Variants in KRI1 observed in about 807,000 individuals in gnomAD.
KRI1 encodes protein KRI1 homolog.
KRI1 carries 83 observed loss-of-function variants against 97.0 expected under a neutral mutation model. The ratio of observed to expected loss-of-function variants is 0.86; its 90% CI spans 0.72 to 1.03. The LOEUF is 1.03. Ranked by LOEUF, KRI1 falls within the 50% of genes least tolerant of loss-of-function variation. The pLI, the probability that KRI1 is intolerant of heterozygous loss-of-function variation, is 0.00. For missense variants in KRI1, 916 were observed against 928.4 expected (o/e 0.99, Z 0.17); for synonymous variants, 371 against 363.5 (o/e 1.02, Z -0.23).
Position 10,555,192 on chromosome 19 carries a change from A to G in KRI1, c.1683-7T>C. The G allele has an allele frequency of 6.6e-7, 1 of 1,515,692 alleles. No individual in the cohort carries two copies. The highest frequency in any genetic ancestry group is 8.9e-7 in the Non-Finnish European group (1 of 1,128,154). 93.9% of individuals were successfully genotyped at this position (1,515,692 alleles called of 1,614,324 possible). A position where few individuals can be genotyped will look rare whatever the true frequency, so the allele number is the denominator to read the frequency against. On this transcript the variant is annotated splice_polypyrimidine_tract_variant and splice_region_variant and intron_variant, in intron 17 of 18. Transcript: ENST00000312962. ...CAGCTCCTCCTGCTCTGACCTGCAG[A>G]CAGATGCCCCTGTGTTGGGTGCTCT...
chr19:10,565,657 C>T, intron 2 of KRI1, 60 bp downstream of exon 2: 1 of 1,499,110 alleles, frequency 6.7e-7, no homozygotes, highest in Non-Finnish European at 8.9e-7. Flanking sequence ...ACATCGGGGT[C>T]GGGGTGCAGA....
In KRI1 at chr19:10,554,032, A is replaced by G; in HGVS notation, c.2031T>C (p.Phe677=). 6.2e-7 allele frequency: 1 copy of G among 1,614,148 alleles called. No homozygotes were observed. Among genetic ancestry groups the G allele is most frequent in the Non-Finnish European group, 8.5e-7 (1 of 1,180,016 alleles). Residue 677 remains phenylalanine, a synonymous_variant, in exon 19 of 19, where the codon TTT becomes TTC. Transcript: ENST00000312962. ...AGTGCAGCCGTTTGGGGTTGAGGCC[A>G]AAGGCCTGCAGTCTCTGGCGGCTGA... ...CEFSRQRLQA[F]GLNPKRLHFR... is the part of the protein sequence containing the mutation.
chr19:10,555,236 C>CCCGCCCTACCCGCAGCGCACCTGGCT, intron 17 of KRI1, 49 bp downstream of exon 17: 1 of 1,604,928 alleles, frequency 6.2e-7, no homozygotes. Flanking sequence ...CCCGAGGCTG[C>CCCGCCCTACCCGCAGCGCACCTGGCT]CCGCCCTGCC....
At position 10,559,480 on chromosome 19, in the gene KRI1, C is replaced by G. The variant is rs1388307292; in HGVS notation, c.1073G>C (p.Arg358Thr). 1 of 1,613,962 alleles carries G rather than the reference C, an allele frequency of 6.2e-7. No individual in the cohort carries two copies. Among genetic ancestry groups the G allele is most frequent in the Non-Finnish European group, 8.5e-7 (1 of 1,180,036 alleles). The change falls in exon 12 of 19, where the codon AGG becomes ACG. Residue 358 changes from arginine to threonine, a missense_variant. Physicochemically the swap from Arg to Thr is moderately conservative, Grantham distance 71 (BLOSUM62 -1). Coordinates refer to ENST00000312962, the MANE Select transcript of KRI1 (RefSeq NM_023008.5). ...CTCCAGCTTGGCCAGAATCTCCTTC[C>G]TCTTCAGGTTCTTCAGCTGCTTGAG... ...EELKQLKNLK[R>T]KEILAKLEKL... is the part of the protein sequence containing the mutation.
intron 3 of KRI1, among the ~76,000 whole-genome samples, chr19:10,564,078 G>A (rs921074446): frequency 3.3e-5 from 5 of 151,464 alleles, no homozygotes; most frequent in East Asian, 1.9e-4. Context: ...CCGGGGAGGC[G>A]GAGGTTGCAG....
rs1916860718 is a variant in KRI1, at chr19:10,565,927, C to G, written c.73G>C (p.Glu25Gln). The G allele has an allele frequency of 6.5e-7, 1 of 1,534,512 alleles. No homozygotes were observed. Among genetic ancestry groups the G allele is most frequent in the Non-Finnish European group, 8.8e-7 (1 of 1,141,052 alleles). Residue 25 changes from glutamate to glutamine, a missense_variant, in exon 1 of 19, where the codon GAG (glutamate) becomes CAG (glutamine). Glu to Gln is a conservative substitution (Grantham distance 29). Coordinates refer to ENST00000312962, the MANE Select transcript of KRI1 (RefSeq NM_023008.5). ...TCACGCCGCTGCAGTTCCTCGCGCT[C>G]CCGGTAGCGGTTGTACCGCGCGGCA... ...AFAARYNRYR[E>Q]REELQRLKDR...
chr19:10,560,239 T>C, intron 9 of KRI1, 73 bp downstream of exon 9: 3 of 1,497,954 alleles, frequency 2.0e-6, no homozygotes, highest in Non-Finnish European at 2.7e-6. Context: ...CTCTGCCTCC[T>C]GGCCAGTGCC....
intron 1 of KRI1, 36 bp downstream of exon 1, chr19:10,565,870 C>T (rs779349159): frequency 1.5e-5 from 23 of 1,533,848 alleles, no homozygotes; most frequent in African/African-American, 4.2e-5. Flanking sequence ...CCGGCCGGCG[C>T]GCGCAGGCTC....
rs371694672 is a variant in KRI1, at chr19:10,558,224, C to A, written c.1210G>T (p.Glu404Ter). 4.3e-6 allele frequency: 7 copies of A among 1,614,106 alleles called. No homozygotes were observed. The highest frequency in any genetic ancestry group is 5.9e-6 in the Non-Finnish European group (7 of 1,180,010). Reference sequence around the variant, plus strand: ...TCCTCCTCCACGGCCCCGTAGTACTCGTCCCCAAAGCACTTCTGCAGGGTC... The same window carrying A: ...TCCTCCTCCACGGCCCCGTAGTACTAGTCCCCAAAGCACTTCTGCAGGGTC... ...DQLMQKCFGD[E>*]YYGAVEEEKP... The change falls in exon 13 of 19, where the codon GAG (glutamate) becomes TAG (stop). Residue 404 changes from glutamate (E) to a stop codon, truncating the protein, a stop_gained. Coordinates refer to ENST00000312962, the MANE Select transcript of KRI1 (RefSeq NM_023008.5). LOFTEE classifies it high-confidence loss of function.
chr19:10,558,411 C>T (rs1256541893), intron 12 of KRI1, among the ~76,000 whole-genome samples, 172 bp from the exon 13 acceptor site: 2 of 152,134 alleles, frequency 1.3e-5, no homozygotes, highest in Non-Finnish European at 2.9e-5. Flanking sequence ...GTCCAGGATC[C>T]TCCGCCAACT....
chr19:10,553,680 A>G lies in KRI1; in HGVS notation c.*271T>C, dbSNP rs1289749529. The G allele has an allele frequency of 1.8e-5, 7 of 396,104 alleles. No homozygotes were observed. Among genetic ancestry groups the G allele is most frequent in the Non-Finnish European group, 3.2e-5 (7 of 221,814 alleles). 24.5% of individuals were successfully genotyped at this position (396,104 alleles called of 1,614,324 possible). ...AGCCTCAAACTCATGGCCTTAAGTG[A>G]TCTTCCTTCCCCAGCCTCCTGAGTA... On this transcript the variant is annotated 3_prime_UTR_variant, in exon 19 of 19. Transcript: ENST00000312962.
chr19:10,555,819 T>C (rs560012277), intron 16 of KRI1, among the ~76,000 whole-genome samples: 18 of 152,348 alleles, frequency 1.2e-4, no homozygotes, highest in African/African-American at 4.3e-4. Context: ...CTATTTTTAC[T>C]GACCATGAAA....
At chr19:10,565,817 C>CCG (rs369291740) in intron 1 of KRI1, 27 bp from the exon 2 acceptor site, 65 of 1,552,772 alleles carry the variant, frequency 4.2e-5, no homozygotes, top group East Asian at 3.2e-4. Flanking sequence ...GGATGCCCCC[C>CCG]CCCAGGTCAG....
Position 10,561,219 on chromosome 19 carries a change from C to T in KRI1, c.535G>A (p.Glu179Lys), listed in dbSNP as rs1289553272. ...EDSEDEDGAG[E>K]GGSSLLQKRA... is the part of the protein sequence containing the mutation. ...TTCTGCAGCAAACTGGAGCCGCCCT[C>T]CCCAGCGCCGTCCTCGTCCTCACTG... Residue 179 changes from glutamate to lysine, a missense_variant, in exon 7 of 19, where the codon GAG becomes AAG. Physicochemically the swap from Glu to Lys is moderately conservative, Grantham distance 56. This residue lies in a region of KRI1 where 71 missense variants were observed against 108.1 expected (regional missense o/e 0.66). Coordinates refer to ENST00000312962, the MANE Select transcript of KRI1 (RefSeq NM_023008.5). 3 of 1,614,008 alleles carry T rather than the reference C, an allele frequency of 1.9e-6. No homozygotes were observed. Among genetic ancestry groups the T allele is most frequent in the Non-Finnish European group, 2.5e-6 (3 of 1,180,010 alleles).
intron 16 of KRI1, among the ~76,000 whole-genome samples, chr19:10,556,338 A>C (rs1024460517): frequency 4.6e-5 from 7 of 151,834 alleles, no homozygotes; most frequent in Admixed American, 3.3e-4. Flanking sequence ...ACCAAGTCTT[A>C]CCAGCCAGAC....
intron 16 of KRI1, 111 bp from the exon 17 acceptor site, chr19:10,555,460 G>C (rs1413560477): frequency 8.4e-7 from 1 of 1,192,960 alleles, no homozygotes; most frequent in Non-Finnish European, 1.2e-6. Flanking sequence ...CACCCAGCAG[G>C]GTTGCCATGA....
intron 3 of KRI1, among the ~76,000 whole-genome samples, chr19:10,563,276 G>A (rs746609886): frequency 2.0e-5 from 3 of 151,396 alleles, no homozygotes; most frequent in Admixed American, 6.6e-5. Context: ...GGTTGGTCTC[G>A]AACTCCTGAC....
rs1916562725 is a variant in KRI1 at position 10,557,911 on chromosome 19, G to A, written c.1360-16C>T. 6.2e-7 allele frequency: 1 copy of A among 1,613,710 alleles called. No homozygotes were observed. Among genetic ancestry groups the A allele is most frequent in the Non-Finnish European group, 8.5e-7 (1 of 1,179,930 alleles). On this transcript the variant is annotated splice_polypyrimidine_tract_variant and intron_variant, in intron 14 of 18. Transcript: ENST00000312962. ...CGGCGTCCATCTGCCAGGACGCACA[G>A]GTCAGATCCCACCAGCCCCCCGTCA...
At chr19:10,560,233 G>T in intron 9 of KRI1, 79 bp downstream of exon 9, 2 of 1,486,122 alleles carry the variant, frequency 1.3e-6, no homozygotes, top group Non-Finnish European at 8.9e-7. Flanking sequence ...GGTGCCCTCT[G>T]CCTCCTGGCC....
Sources: gnomAD v4.1 joint callset for allele counts (sites outside exome capture counted in the v4.1 genomes callset) on GRCh38, gnomAD v4.1.1 for gene constraint, gnomAD v4.1.1 regional missense constraint, MANE v1.5 for transcripts, NCBI Gene and HGNC (gene_info 2026-07-23, HGNC 2026-07-21) for gene names.